The following GAB2 variants were observed in gnomAD, a reference collection of about 807,000 sequenced individuals.
GAB2 encodes the protein GRB2 associated binding protein 2, also known as GRB2-associated-binding protein 2.
GAB2 carries 26 observed loss-of-function variants against 65.5 expected under a neutral mutation model. The observed-to-expected ratio is 0.40, with a 90% confidence interval of 0.29 to 0.55. GAB2 has a LOEUF of 0.55. Ranked by LOEUF, GAB2 falls within the 20% of genes least tolerant of loss-of-function variation. The pLI, the probability that GAB2 is intolerant of heterozygous loss-of-function variation, is 0.53. For missense variants in GAB2, 884 were observed against 875.8 expected (o/e 1.01, Z -0.12); for synonymous variants, 321 against 329.6 (o/e 0.97, Z 0.28).
chr11:78,280,319 C>T (rs565811155), intron 2 of GAB2: 1 of 444,194 alleles, frequency 2.3e-6, no homozygotes, highest in African/African-American at 2.0e-5. Context: ...AGAGAGAAAA[C>T]AGGAGGGATG....
chr11:78,269,873 G>A (rs574538739), intron 2 of GAB2, among the ~76,000 whole-genome samples: 2 of 152,184 alleles, frequency 1.3e-5, no homozygotes, highest in African/African-American at 2.4e-5. Flanking sequence ...CAAGGAGTTC[G>A]AGAAGGTAAA....
intron 1 of GAB2, among the ~76,000 whole-genome samples, chr11:78,334,116 C>G (rs562531335): frequency 1.3e-5 from 2 of 152,108 alleles, no homozygotes; most frequent in South Asian, 4.1e-4. Flanking sequence ...AATTTTGTAA[C>G]TTTTTTAATT....
In GAB2 at chr11:78,225,270, C is replaced by T. The variant is rs1160475032; in HGVS notation, c.1208-68G>A. Reference sequence around the variant, plus strand: ...ATGTGTTGACACTTACCCATACCCTCACCAGTGTGGTTCAAGGTCTTACTG... The same window carrying T: ...ATGTGTTGACACTTACCCATACCCTTACCAGTGTGGTTCAAGGTCTTACTG... On this transcript the variant is annotated intron_variant, in intron 4 of 9. Transcript: ENST00000361507. 4 of 1,041,630 alleles carry T rather than the reference C, an allele frequency of 3.8e-6. No individual in the cohort carries two copies. In the East Asian group the frequency reaches 9.5e-5, roughly 25 times the overall value. The allele number at this position is 1,041,630 out of a possible 1,614,324, so 64.5% of individuals were successfully genotyped here. A position where few individuals can be genotyped will look rare whatever the true frequency, so the allele number is the denominator to read the frequency against.
chr11:78,288,171 G>A (rs1329159932), intron 1 of GAB2, among the ~76,000 whole-genome samples: 2 of 151,256 alleles, frequency 1.3e-5, no homozygotes, highest in African/African-American at 4.9e-5. Flanking sequence ...CTTGAGGTCA[G>A]GAGTTCAAGA....
intron 1 of GAB2, among the ~76,000 whole-genome samples, chr11:78,403,535 T>C (rs1378061102): frequency 6.6e-6 from 1 of 152,184 alleles, no homozygotes; most frequent in African/African-American, 2.4e-5. Flanking sequence ...GATATCCATA[T>C]GCAGAAGAAT....
chr11:78,259,043 G>A (rs778266033), intron 2 of GAB2, among the ~76,000 whole-genome samples: 9 of 151,884 alleles, frequency 5.9e-5, no homozygotes, highest in Non-Finnish European at 8.8e-5. Flanking sequence ...CCCTCTGGTA[G>A]GCCCCTGTGC....
intron 1 of GAB2, among the ~76,000 whole-genome samples, chr11:78,348,118 A>G (rs1018923090): frequency 6.6e-6 from 1 of 152,190 alleles, no homozygotes; most frequent in Admixed American, 6.5e-5. Context: ...GCTGAGGAGA[A>G]AGAGGAAAAG....
intron 3 of GAB2, among the ~76,000 whole-genome samples, chr11:78,243,694 A>T (rs1268363825): frequency 6.6e-6 from 1 of 151,300 alleles, no homozygotes; most frequent in East Asian, 2.0e-4. Context: ...CAAAAAAAAA[A>T]TTAGCTGGGC....
chr11:78,280,401 C>CT (rs369231303), intron 2 of GAB2, 200 bp downstream of exon 2: 44 of 592,074 alleles, frequency 7.4e-5, no homozygotes, highest in African/African-American at 2.8e-4. Flanking sequence ...AACCCCAACA[C>CT]TTTTTTTTGG....
At chr11:78,232,110 T>C (rs780232970) in intron 3 of GAB2, among the ~76,000 whole-genome samples, 1 of 152,190 alleles carries the variant, frequency 6.6e-6, no homozygotes, top group Non-Finnish European at 1.5e-5. Flanking sequence ...AAACTAAAAG[T>C]TGTATATTTT....
Position 78,401,505 on chromosome 11 carries a change from C to CCTGTGT in GAB2, c.75+16140_75+16141insACACAG, listed in dbSNP as rs1555000328. On this transcript the variant is annotated intron_variant, in intron 1 of 9. Transcript: ENST00000361507. ...TTCCCTTTTAAGGCTGAACAGTATT[C>CCTGTGT]GTGTGTGTGTGTGTGTGTGTGTGTG... 5.6e-3 allele frequency among the ~76,000 whole-genome samples: 706 copies of CCTGTGT among 125,000 alleles called. 24 individuals are homozygous for CCTGTGT. The highest frequency in any genetic ancestry group is 0.019 in the African/African-American group (654 of 33,838). The allele number at this position is 125,000 out of a possible 152,430, so 82.0% of individuals were successfully genotyped here.
chr11:78,300,638 C>T (rs1310955897), intron 1 of GAB2, among the ~76,000 whole-genome samples: 1 of 147,664 alleles, frequency 6.8e-6, no homozygotes, highest in Non-Finnish European at 1.5e-5. Flanking sequence ...ATTATGGCGA[C>T]TGTAGGGGAT....
At chr11:78,322,311 A>AAAAAAAAAAAAAAAAAAAAAAAAAAAC (rs1855741290) in intron 1 of GAB2, among the ~76,000 whole-genome samples, 1 of 147,024 alleles carries the variant, frequency 6.8e-6, no homozygotes, top group Non-Finnish European at 1.5e-5. Flanking sequence ...AAAAAAAAAA[A>AAAAAAAAAAAAAAAAAAAAAAAAAAAC]AAAAAAAAAA....
intron 1 of GAB2, among the ~76,000 whole-genome samples, chr11:78,312,604 G>A (rs890121062): frequency 2.1e-4 from 32 of 151,722 alleles, no homozygotes; most frequent in African/African-American, 6.3e-4. Context: ...TTTTTTTGTA[G>A]TTTTAGTAGA....
intron 2 of GAB2, among the ~76,000 whole-genome samples, chr11:78,260,435 GC>G (rs1308001665): frequency 1.3e-5 from 2 of 152,052 alleles, no homozygotes; most frequent in African/African-American, 4.8e-5. Context: ...AGATGGAAAT[GC>G]CTTGTCTCCC....
At chr11:78,347,303 G>A (rs930380396) in intron 1 of GAB2, among the ~76,000 whole-genome samples, 3 of 152,118 alleles carry the variant, frequency 2.0e-5, no homozygotes, top group African/African-American at 4.8e-5. Context: ...AATGTCCTCC[G>A]AGTGTCAACT....
chr11:78,306,307 T>G (rs1014898848), intron 1 of GAB2, among the ~76,000 whole-genome samples: 2 of 152,214 alleles, frequency 1.3e-5, no homozygotes, highest in African/African-American at 4.8e-5. Context: ...CTTGGCTCAC[T>G]GCAACCTCCG....
intron 1 of GAB2, among the ~76,000 whole-genome samples, chr11:78,412,031 A>AAACAACAACAAC (rs373083805): frequency 7.0e-4 from 105 of 150,764 alleles, no homozygotes; most frequent in African/African-American, 2.5e-3. Context: ...ATCTGTCTAA[A>AAACAACAACAAC]AACAACAACA....
rs2134467905 is a variant in GAB2 at position 78,226,569 on chromosome 11, C to G, written c.1103G>C (p.Ser368Thr). ...PSQAETPRWGSPQQRPPISEN... is the reference protein window; with the variant it reads ...PSQAETPRWGTPQQRPPISEN... ...ACTGATTGGCGGTCTCTGCTGAGGA[C>G]TGCCCCATCGAGGTGTTTCTGCCTG... The change falls in exon 4 of 10, where the codon AGT becomes ACT. Residue 368 changes from serine (S) to threonine (T), a missense_variant. Coordinates refer to ENST00000361507, the MANE Select transcript of GAB2 (RefSeq NM_080491.3). The G allele has an allele frequency of 1.2e-6, 2 of 1,601,520 alleles. No individual in the cohort carries two copies. Among genetic ancestry groups the G allele is most frequent in the Non-Finnish European group, 1.7e-6 (2 of 1,174,002 alleles).
Sources: allele counts gnomAD v4.1 joint callset (sites outside exome capture counted in the v4.1 genomes callset), GRCh38; gene constraint gnomAD v4.1.1; transcripts MANE v1.5; gene names NCBI Gene and HGNC (gene_info 2026-07-23, HGNC 2026-07-21).